TRDN: variants seen among roughly 807,000 people sequenced by gnomAD.
TRDN encodes the protein triadin.
TRDN carries 161 observed loss-of-function variants against 149.7 expected under a neutral mutation model. The observed-to-expected ratio is 1.08, with a 90% CI of 0.95 to 1.23. The LOEUF (loss-of-function observed/expected upper bound fraction) is 1.23, where lower values mean the gene tolerates loss of function less well. TRDN is among the 50% of genes most tolerant of loss of function. The pLI, the probability that TRDN is intolerant of heterozygous loss-of-function variation, is 0.00. For synonymous variants in TRDN, 294 were observed against 250.5 expected, an observed-to-expected ratio of 1.17 and a Z score of -1.64; for missense variants, 896 against 823.5, an observed-to-expected ratio of 1.09 and a Z score of -1.08.
chr6:123,388,069 G>GA (rs1349876076), intron 14 of TRDN, among the ~76,000 whole-genome samples: 1 of 147,530 alleles, frequency 6.8e-6, no homozygotes, highest in Non-Finnish European at 1.5e-5. Flanking sequence ...ATATAAGCCA[G>GA]AAAAAATAGA....
intron 24 of TRDN, among the ~76,000 whole-genome samples, chr6:123,296,047 T>C (rs2114659809): frequency 6.6e-6 from 1 of 152,254 alleles, no homozygotes; most frequent in African/African-American, 2.4e-5. Flanking sequence ...AGTAAATTGC[T>C]TAATGGGGAA....
chr6:123,446,063 A>G (rs1396046357), intron 10 of TRDN, among the ~76,000 whole-genome samples: 1 of 151,694 alleles, frequency 6.6e-6, no homozygotes, highest in African/African-American at 2.4e-5. Flanking sequence ...GCCATAAAAA[A>G]TGATGAGTTC....
intron 38 of TRDN, among the ~76,000 whole-genome samples, chr6:123,239,482 C>G (rs2114540490): frequency 6.6e-6 from 1 of 152,202 alleles, no homozygotes; most frequent in African/African-American, 2.4e-5. Context: ...ACAGTATTTA[C>G]TGAAACTAAT....
At chr6:123,238,681 T>C (rs190128778) in intron 38 of TRDN, among the ~76,000 whole-genome samples, 4 of 152,276 alleles carry the variant, frequency 2.6e-5, no homozygotes, top group African/African-American at 4.8e-5. Context: ...AAATAAAATT[T>C]AGCTCAATAT....
At chr6:123,555,843 A>AGAGG (rs1171143739) in intron 2 of TRDN, among the ~76,000 whole-genome samples, 1 of 152,182 alleles carries the variant, frequency 6.6e-6, no homozygotes, top group African/African-American at 2.4e-5. Flanking sequence ...AATGAAATGC[A>AGAGG]GAGGTGGAGG....
At chr6:123,450,090 C>G (rs1436275151) in intron 10 of TRDN, among the ~76,000 whole-genome samples, 1 of 152,152 alleles carries the variant, frequency 6.6e-6, no homozygotes, top group Non-Finnish European at 1.5e-5. Flanking sequence ...GAAACAAATC[C>G]TGGAAACACA....
At position 123,631,491 on chromosome 6, in the gene TRDN, C is replaced by T. The variant is rs150514225; in HGVS notation, c.22+5263G>A. On this transcript the variant is annotated intron_variant, in intron 1 of 40. Transcript: ENST00000334268. Reference sequence around the variant, plus strand: ...TAATAGATATTAAAAATGATTACTTCCTTGTCTGCTTTTACAAACATAAGT... The same window carrying T: ...TAATAGATATTAAAAATGATTACTTTCTTGTCTGCTTTTACAAACATAAGT... Among the ~76,000 whole-genome samples the T allele has an allele frequency of 1.3e-3, 197 of 152,042 alleles. No homozygotes were observed. The Middle Eastern group carries it at 0.041, about 32-fold the overall frequency.
chr6:123,269,043 G>A (rs993711066), intron 31 of TRDN, among the ~76,000 whole-genome samples: 2 of 151,910 alleles, frequency 1.3e-5, no homozygotes, highest in African/African-American at 4.8e-5. Context: ...GCATGCAAGA[G>A]CCAGAATATA....
intron 38 of TRDN, among the ~76,000 whole-genome samples, 184 bp downstream of exon 38, chr6:123,252,228 T>C (rs1361709367): frequency 6.6e-6 from 1 of 152,034 alleles, no homozygotes; most frequent in Non-Finnish European, 1.5e-5. Flanking sequence ...TAATTTCAAA[T>C]AACATAGTTT....
At chr6:123,237,600 A>G (rs1775838566) in intron 38 of TRDN, among the ~76,000 whole-genome samples, 1 of 152,188 alleles carries the variant, frequency 6.6e-6, no homozygotes. Context: ...GTGTTTATAC[A>G]GGTTTTAGAT....
At chr6:123,477,018 A>C (rs1777518027) in intron 9 of TRDN, among the ~76,000 whole-genome samples, 2 of 94,068 alleles carry the variant, frequency 2.1e-5, no homozygotes, top group Admixed American at 1.2e-4. Context: ...TTCATGTCTA[A>C]AACACCAAAA....
Position 123,488,306 on chromosome 6 carries a change from G to A in TRDN, c.853+8887C>T, listed in dbSNP as rs529499754. Among the ~76,000 whole-genome samples, 6 of 152,150 alleles carry A rather than the reference G, an allele frequency of 3.9e-5. No individual in the cohort carries two copies. In the South Asian group the frequency reaches 1.2e-3, roughly 32 times the overall value. On this transcript the variant is annotated intron_variant, in intron 9 of 40. Transcript: ENST00000334268. ...AAATGGTAATGACCCTTGGTATTTG[G>A]CAGATGCTAAACAAATGATATTTGG... is the stretch of plus-strand genomic sequence containing the variant.
chr6:123,271,964 T>C (rs918048803), intron 29 of TRDN, among the ~76,000 whole-genome samples: 1 of 151,734 alleles, frequency 6.6e-6, no homozygotes, highest in Non-Finnish European at 1.5e-5. Flanking sequence ...CATAAGAAAA[T>C]AACAATGTTT....
chr6:123,256,192 T>C (rs1776554999), intron 35 of TRDN, among the ~76,000 whole-genome samples: 1 of 152,290 alleles, frequency 6.6e-6, no homozygotes, highest in Non-Finnish European at 1.5e-5. Flanking sequence ...ATGCAGTGTG[T>C]GGTTTTCTGT....
intron 12 of TRDN, among the ~76,000 whole-genome samples, chr6:123,433,335 G>A (rs12203141): frequency 0.15 from 22,055 of 151,356 alleles, 2,210 homozygotes; most frequent in African/African-American, 0.29. Flanking sequence ...ATTGCCTTAA[G>A]TTTATTTTCT....
chr6:123,267,654 A>G, intron 32 of TRDN, 53 bp downstream of exon 32: 2 of 1,244,170 alleles, frequency 1.6e-6, no homozygotes, highest in Non-Finnish European at 2.2e-6. Flanking sequence ...ATTTTTGAAT[A>G]TAATAAAAAT....
In TRDN at chr6:123,252,380, G is replaced by A. The variant is rs766236313; in HGVS notation, c.1975+32C>T. On this transcript the variant is annotated intron_variant, in intron 38 of 40. Coordinates refer to ENST00000334268, the MANE Select transcript of TRDN (RefSeq NM_006073.4). ...CTTAAAATTGATACTATGTATCAAAGAGAACTTGTCATTAATACAAACCGT... is the reference window on the plus strand; with the variant it reads ...CTTAAAATTGATACTATGTATCAAAAAGAACTTGTCATTAATACAAACCGT... 10 of 1,398,490 alleles carry A rather than the reference G, an allele frequency of 7.2e-6. No homozygotes were observed. In the African/African-American group the frequency reaches 1.4e-4, roughly 20 times the overall value. The allele number at this position is 1,398,490 out of a possible 1,614,324, so 86.6% of individuals were successfully genotyped here.
chr6:123,229,455 C>T (rs1211533114), intron 38 of TRDN, among the ~76,000 whole-genome samples: 1 of 151,920 alleles, frequency 6.6e-6, no homozygotes, highest in East Asian at 1.9e-4. Flanking sequence ...TGTTTCTACA[C>T]TTAAGAAAAG....
chr6:123,264,319 C>T (rs553210277), intron 33 of TRDN, among the ~76,000 whole-genome samples: 28 of 152,102 alleles, frequency 1.8e-4, no homozygotes, highest in African/African-American at 6.0e-4. Flanking sequence ...TTGACTCTTA[C>T]GGATGACTTC....
Sources: gnomAD v4.1 joint callset for allele counts (sites outside exome capture counted in the v4.1 genomes callset) on GRCh38, gnomAD v4.1.1 for gene constraint, MANE v1.5 for transcripts, NCBI Gene and HGNC (gene_info 2026-07-23, HGNC 2026-07-21) for gene names.